Variants in TMEM163 observed in about 807,000 individuals in gnomAD.
TMEM163 encodes transmembrane protein 163.
Under a neutral mutation model 29.3 loss-of-function variants are expected in TMEM163, and 17 were observed. The ratio of observed to expected loss-of-function variants is 0.58; its 90% confidence interval spans 0.40 to 0.87. TMEM163 has a LOEUF of 0.87. Among genes scored for constraint, TMEM163 ranks in the 40% least tolerant of loss-of-function variants. TMEM163 has a pLI of 0.00. For missense variants in TMEM163, 303 were observed against 381.5 expected, an observed-to-expected ratio of 0.79 and a Z score of 1.71; for synonymous variants, 157 against 160.6, an observed-to-expected ratio of 0.98 and a Z score of 0.17.
At chr2:134,557,249 T>C (rs1410363738) in intron 2 of TMEM163, among the ~76,000 whole-genome samples, 1 of 152,236 alleles carries the variant, frequency 6.6e-6, no homozygotes, top group Admixed American at 6.5e-5. Context: ...ACAGGCTGCA[T>C]TGAAAACAAC....
intron 2 of TMEM163, among the ~76,000 whole-genome samples, chr2:134,626,131 G>C (rs539414273): frequency 1.8e-5 from 2 of 111,898 alleles, no homozygotes; most frequent in South Asian, 6.0e-4. Context: ...TTGACACAGA[G>C]TCTCGCTCTG....
intron 5 of TMEM163, among the ~76,000 whole-genome samples, chr2:134,499,494 G>C (rs1679654078): frequency 1.3e-5 from 2 of 152,182 alleles, no homozygotes; most frequent in African/African-American, 4.8e-5. Context: ...CCCAGGTCCT[G>C]TTCCAGTTCC....
At chr2:134,674,816 A>C (rs542536988) in intron 2 of TMEM163, among the ~76,000 whole-genome samples, 1 of 152,314 alleles carries the variant, frequency 6.6e-6, no homozygotes, top group East Asian at 1.9e-4. Flanking sequence ...CATTAAAAAT[A>C]CCTCTGCAAG....
chr2:134,638,890 GT>G (rs1422306159), intron 2 of TMEM163, among the ~76,000 whole-genome samples: 1 of 152,178 alleles, frequency 6.6e-6, no homozygotes, highest in African/African-American at 2.4e-5. Context: ...CCAGGTAGAT[GT>G]TTTTAACAGT....
At chr2:134,597,015 T>A (rs1682101439) in intron 2 of TMEM163, among the ~76,000 whole-genome samples, 1 of 152,236 alleles carries the variant, frequency 6.6e-6, no homozygotes, top group Admixed American at 6.5e-5. Context: ...GATTTTGGGC[T>A]GAGACGACGG....
intron 6 of TMEM163, among the ~76,000 whole-genome samples, chr2:134,464,364 A>G (rs1290313555): frequency 2.0e-5 from 3 of 152,162 alleles, no homozygotes; most frequent in Non-Finnish European, 4.4e-5. Context: ...CCGGGCCCCA[A>G]TTCAATCCCC....
At chr2:134,699,808 C>T (rs528913764) in intron 2 of TMEM163, among the ~76,000 whole-genome samples, 10 of 152,192 alleles carry the variant, frequency 6.6e-5, no homozygotes, top group African/African-American at 2.4e-4. Flanking sequence ...TTGGTATATG[C>T]AAATTCACAA....
At chr2:134,547,387 T>C (rs1200398314) in intron 4 of TMEM163, among the ~76,000 whole-genome samples, 1 of 152,104 alleles carries the variant, frequency 6.6e-6, no homozygotes, top group Non-Finnish European at 1.5e-5. Flanking sequence ...TCCAGTTGCT[T>C]TGCATGACTA....
At chr2:134,665,129 T>C (rs955482297) in intron 2 of TMEM163, among the ~76,000 whole-genome samples, 6 of 152,176 alleles carry the variant, frequency 3.9e-5, no homozygotes, top group African/African-American at 1.2e-4. Context: ...TATTGTTGTT[T>C]GGGGGTCCAC....
intron 5 of TMEM163, among the ~76,000 whole-genome samples, chr2:134,494,276 C>G (rs1342977618): frequency 6.6e-6 from 1 of 152,186 alleles, no homozygotes; most frequent in African/African-American, 2.4e-5. Context: ...CACTGATAGT[C>G]TGACACAATG....
chr2:134,500,745 G>GT (rs1391618195), intron 5 of TMEM163, among the ~76,000 whole-genome samples: 3 of 152,022 alleles, frequency 2.0e-5, no homozygotes, highest in African/African-American at 4.8e-5. Context: ...AGCATCACAT[G>GT]TTTTCACTCA....
chr2:134,620,706 G>T (rs1682711910), intron 2 of TMEM163, among the ~76,000 whole-genome samples: 1 of 152,182 alleles, frequency 6.6e-6, no homozygotes, highest in Non-Finnish European at 1.5e-5. Flanking sequence ...AAAGTTGAAT[G>T]CAATTCAATA....
chr2:134,529,259 A>C (rs1680363261), intron 4 of TMEM163, among the ~76,000 whole-genome samples: 1 of 152,192 alleles, frequency 6.6e-6, no homozygotes, highest in African/African-American at 2.4e-5. Context: ...TGCGCCCATG[A>C]GGCAGAGGTT....
chr2:134,491,747 C>G (rs186305932), intron 5 of TMEM163, among the ~76,000 whole-genome samples: 6 of 152,242 alleles, frequency 3.9e-5, no homozygotes, highest in East Asian at 3.9e-4. Flanking sequence ...CTAAAAAGCT[C>G]TTTTTTTGCT....
rs1008266137 is a variant in TMEM163, at chr2:134,498,281, G to A, written c.555+4620C>T. ...CAGCGCCACCCTCCACGTGCTCCACGCATCCCCCCTTCTCCTCATCCCACA... is the reference window on the plus strand; with the variant it reads ...CAGCGCCACCCTCCACGTGCTCCACACATCCCCCCTTCTCCTCATCCCACA... On this transcript the variant is annotated intron_variant, in intron 5 of 7. Coordinates refer to ENST00000281924, the MANE Select transcript of TMEM163 (RefSeq NM_030923.5). 7.9e-5 allele frequency among the ~76,000 whole-genome samples: 12 copies of A among 151,296 alleles called. 1 individual carries two copies. Among genetic ancestry groups the A allele is most frequent in the African/African-American group, 2.9e-4 (12 of 41,180 alleles).
chr2:134,613,976 T>A (rs1372046045), intron 2 of TMEM163, among the ~76,000 whole-genome samples: 1 of 152,112 alleles, frequency 6.6e-6, no homozygotes, highest in African/African-American at 2.4e-5. Context: ...TATAGACAGG[T>A]TATTCTAAAT....
In TMEM163 at chr2:134,695,776, T is replaced by C. The variant is rs1025519222; in HGVS notation, c.322+17424A>G. On this transcript the variant is annotated intron_variant, in intron 2 of 7. Coordinates refer to ENST00000281924, the MANE Select transcript of TMEM163 (RefSeq NM_030923.5). ...GAGTCTCATATTATTGTTTAAAAGT[T>C]TTGGTTGGGCATGGTAGCTCATGCC... Among the ~76,000 whole-genome samples, 3 of 152,160 alleles carry C rather than the reference T, an allele frequency of 2.0e-5. No homozygotes were observed. The East Asian group carries it at 5.8e-4, about 29-fold the overall frequency.
intron 4 of TMEM163, among the ~76,000 whole-genome samples, chr2:134,530,737 A>C (rs1680398672): frequency 6.6e-6 from 1 of 152,228 alleles, no homozygotes; most frequent in Non-Finnish European, 1.5e-5. Flanking sequence ...TTTGGAACTA[A>C]ATTTAATAAC....
chr2:134,594,876 T>TCTCTCTACTTCTCTCTCTCTCC (rs1682031023), intron 2 of TMEM163, among the ~76,000 whole-genome samples: 7 of 148,806 alleles, frequency 4.7e-5, no homozygotes, highest in South Asian at 2.1e-4. Context: ...TCTCTCTCTC[T>TCTCTCTACTTCTCTCTCTCTCC]CTCTCTACTT....
Sources: allele counts gnomAD v4.1 joint callset (sites outside exome capture counted in the v4.1 genomes callset), GRCh38; gene constraint gnomAD v4.1.1; transcripts MANE v1.5; gene names NCBI Gene and HGNC (gene_info 2026-07-23, HGNC 2026-07-21).